PRKN: variants seen among roughly 807,000 people sequenced by gnomAD.
PRKN encodes parkin RBR E3 ubiquitin protein ligase, also known as E3 ubiquitin-protein ligase parkin.
In PRKN, 56 loss-of-function variants were observed where a neutral mutation model predicts 59.5. The observed-to-expected ratio is 0.94, with a 90% CI of 0.76 to 1.18. The LOEUF (loss-of-function observed/expected upper bound fraction) is 1.18. PRKN is among the 50% of genes most tolerant of loss of function. The pLI is 0.00. For missense variants in PRKN, 657 were observed against 596.4 expected, an observed-to-expected ratio of 1.10 and a Z score of -1.06; for synonymous variants, 250 against 222.1, an observed-to-expected ratio of 1.13 and a Z score of -1.12.
At chr6:162,295,673 CT>C (rs1465909826) in intron 2 of PRKN, among the ~76,000 whole-genome samples, 1 of 152,206 alleles carries the variant, frequency 6.6e-6, no homozygotes, top group Non-Finnish European at 1.5e-5. Context: ...CAGATTTTTC[CT>C]GTCTGTCTTC....
rs1787312218 is a variant in PRKN at position 161,407,133 on chromosome 6, A to T, written c.1084-20256T>A. On this transcript the variant is annotated intron_variant, in intron 9 of 11. Transcript: ENST00000366898. The surrounding 1 kb of genome is among the most constrained non-coding windows in gnomAD (Gnocchi z 4.9). ...CTATATTTGTCATTAAAATGTCTTT[A>T]TATTTTTATAAATATGGTTTCACAA... Among the ~76,000 whole-genome samples the T allele has an allele frequency of 6.6e-6, 1 of 152,182 alleles. No homozygotes were observed. Among genetic ancestry groups the T allele is most frequent in the African/African-American group, 2.4e-5 (1 of 41,440 alleles).
At chr6:161,734,597 C>T (rs1787889276) in intron 7 of PRKN, among the ~76,000 whole-genome samples, 1 of 152,118 alleles carries the variant, frequency 6.6e-6, no homozygotes, top group Admixed American at 6.6e-5. Flanking sequence ...TGAGCTGCGG[C>T]AATAGAAAAT....
rs565105348 is a variant in PRKN, at chr6:162,263,826, C to T, written c.172-1061G>A. Among the ~76,000 whole-genome samples, 96 of 152,080 alleles carry T rather than the reference C, an allele frequency of 6.3e-4. 1 individual carries two copies. Among genetic ancestry groups the T allele is most frequent in the African/African-American group, 1.9e-3 (78 of 41,482 alleles). On this transcript the variant is annotated intron_variant, in intron 2 of 11. Transcript: ENST00000366898. ...AAAATTAGCTGGGCGTGTTAGCGTGCGCCTGTAATCCCAGCTACTCGGGAG... is the reference window on the plus strand; with the variant it reads ...AAAATTAGCTGGGCGTGTTAGCGTGTGCCTGTAATCCCAGCTACTCGGGAG...
intron 1 of PRKN, among the ~76,000 whole-genome samples, chr6:162,571,661 G>C (rs1378543924): frequency 1.3e-5 from 2 of 152,120 alleles, no homozygotes; most frequent in Non-Finnish European, 2.9e-5. Flanking sequence ...TGGATGTAAA[G>C]TACCCGTGGG....
chr6:162,500,461 T>C (rs1435990243), intron 1 of PRKN, among the ~76,000 whole-genome samples: 2 of 152,164 alleles, frequency 1.3e-5, no homozygotes, highest in African/African-American at 2.4e-5. Flanking sequence ...CGTGAGCCAC[T>C]GCGCCCGGCC....
Position 161,354,520 on chromosome 6 carries a change from T to A in PRKN, c.1286-4309A>T, listed in dbSNP as rs1473046407. On this transcript the variant is annotated intron_variant, in intron 11 of 11. Coordinates refer to ENST00000366898, the MANE Select transcript of PRKN (RefSeq NM_004562.3). The surrounding 1 kb of genome is among the most constrained non-coding windows in gnomAD (Gnocchi z 6.7). ...CTCAGTCAGGGAATGGAGCCAGAAT[T>A]TCATCTGCTTGAGATGGAAGTGAAG... Among the ~76,000 whole-genome samples the A allele has an allele frequency of 2.6e-5, 4 of 152,272 alleles. No homozygotes were observed. The East Asian group carries it at 7.7e-4, about 29-fold the overall frequency.
At chr6:162,305,900 T>C (rs970283298) in intron 2 of PRKN, among the ~76,000 whole-genome samples, 1 of 152,138 alleles carries the variant, frequency 6.6e-6, no homozygotes, top group Non-Finnish European at 1.5e-5. Context: ...TTTACATATA[T>C]ACATGTTAAT....
intron 6 of PRKN, among the ~76,000 whole-genome samples, chr6:161,865,852 C>G (rs758697159): frequency 6.6e-6 from 1 of 152,162 alleles, no homozygotes; most frequent in Non-Finnish European, 1.5e-5. Context: ...TAATTTCCTT[C>G]AAGAGCTTTC....
chr6:162,011,120 A>G lies in PRKN; in HGVS notation c.619-37703T>C, dbSNP rs1300991297. Among the ~76,000 whole-genome samples the G allele has an allele frequency of 7.8e-4, 4 of 5,144 alleles. 1 individual carries two copies. The highest frequency in any genetic ancestry group is 1.1e-3 in the Non-Finnish European group (4 of 3,794). 3.4% of individuals were successfully genotyped at this position (5,144 alleles called of 152,430 possible). A position where few individuals can be genotyped will look rare whatever the true frequency, so the allele number is the denominator to read the frequency against. ...ATAATATATTTATAATATATAATAT[A>G]TTTATAATATATAATTATAATATAT... On this transcript the variant is annotated intron_variant, in intron 5 of 11. Coordinates refer to ENST00000366898, the MANE Select transcript of PRKN (RefSeq NM_004562.3).
At chr6:162,015,111 G>A (rs1049364922) in intron 5 of PRKN, among the ~76,000 whole-genome samples, 3 of 152,116 alleles carry the variant, frequency 2.0e-5, no homozygotes, top group Non-Finnish European at 4.4e-5. Flanking sequence ...TTTGAAAATT[G>A]GAAGCCAACC....
chr6:161,902,549 T>TCCA (rs55730017), intron 6 of PRKN, among the ~76,000 whole-genome samples: 11 of 96,964 alleles, frequency 1.1e-4, no homozygotes, highest in African/African-American at 3.3e-4. Flanking sequence ...TATCTATCTA[T>TCCA]TTATTTATTT....
rs1444017533 is a variant in PRKN, at chr6:161,502,181, T to C, written c.1083+46673A>G. ...TGCTAATCATGTCCATTTTGGGCCA[T>C]GCACTGCACATGCTTATCATTAGTC... On this transcript the variant is annotated intron_variant, in intron 9 of 11. Coordinates refer to ENST00000366898, the MANE Select transcript of PRKN (RefSeq NM_004562.3). This position sits in a 1 kb window ranked among gnomAD's most constrained non-coding sequence, Gnocchi z 4.0. Among the ~76,000 whole-genome samples the C allele has an allele frequency of 6.6e-6, 1 of 152,202 alleles. No individual in the cohort carries two copies. The highest frequency in any genetic ancestry group is 1.5e-5 in the Non-Finnish European group (1 of 68,048).
chr6:161,916,350 C>A (rs1778557692), intron 6 of PRKN, among the ~76,000 whole-genome samples: 2 of 152,158 alleles, frequency 1.3e-5, no homozygotes, highest in African/African-American at 2.4e-5. Flanking sequence ...TTTCTAATTA[C>A]AGTATCATTC....
At chr6:161,794,020 T>A (rs1304488685) in intron 6 of PRKN, among the ~76,000 whole-genome samples, 1 of 152,138 alleles carries the variant, frequency 6.6e-6, no homozygotes, top group African/African-American at 2.4e-5. Context: ...CTCGGCACTC[T>A]GTGGACCCTC....
chr6:161,866,679 G>C (rs1583269543), intron 6 of PRKN, among the ~76,000 whole-genome samples: 1 of 152,176 alleles, frequency 6.6e-6, no homozygotes, highest in South Asian at 2.1e-4. Flanking sequence ...TCAGGGCAGG[G>C]TTGCCACAAA....
At chr6:161,736,425 C>A (rs1039052572) in intron 7 of PRKN, among the ~76,000 whole-genome samples, 1 of 152,190 alleles carries the variant, frequency 6.6e-6, no homozygotes. Flanking sequence ...ATACTTAGGA[C>A]TGCAGTTGTT....
At chr6:161,968,993 T>C (rs1389933348) in intron 6 of PRKN, among the ~76,000 whole-genome samples, 2 of 152,218 alleles carry the variant, frequency 1.3e-5, no homozygotes, top group African/African-American at 4.8e-5. Context: ...GAGAAATTCT[T>C]GTATTCATAA....
intron 2 of PRKN, among the ~76,000 whole-genome samples, chr6:162,329,839 T>C (rs535672916): frequency 8.5e-5 from 13 of 152,294 alleles, no homozygotes; most frequent in African/African-American, 2.9e-4. Context: ...TATGTCAATA[T>C]AGCCAAGATA....
intron 9 of PRKN, among the ~76,000 whole-genome samples, chr6:161,537,104 G>A (rs1163603993): frequency 6.6e-6 from 1 of 152,170 alleles, no homozygotes; most frequent in Non-Finnish European, 1.5e-5. Context: ...ACATAAAAGA[G>A]TTTTTGAGAA....
Sources: allele counts gnomAD v4.1 joint callset (sites outside exome capture counted in the v4.1 genomes callset), GRCh38; gene constraint gnomAD v4.1.1; non-coding constraint Gnocchi (gnomAD v3.1); transcripts MANE v1.5; gene names NCBI Gene and HGNC (gene_info 2026-07-23, HGNC 2026-07-21).